Variants in ZNF444 observed in about 807,000 individuals in gnomAD.
The protein encoded by ZNF444 is zinc finger protein 444.
A neutral mutation model predicts 14.4 loss-of-function variants in ZNF444; 8 were observed. The ratio of observed to expected loss-of-function variants is 0.56; its 90% CI spans 0.33 to 1.00. The LOEUF (loss-of-function observed/expected upper bound fraction) is 1.00, where lower values mean the gene tolerates loss of function less well. ZNF444 is among the 50% of genes least tolerant of loss of function. ZNF444 has a pLI of 0.03. For synonymous variants in ZNF444, 258 were observed against 235.9 expected, an observed-to-expected ratio of 1.09 and a Z score of -0.86; for missense variants, 510 against 504.8, an observed-to-expected ratio of 1.01 and a Z score of -0.10.
rs2031074537 is a variant in ZNF444 at position 56,144,923 on chromosome 19, G to A, written c.-196-1324G>A. The stretch of plus-strand genomic sequence containing the variant: ...GTCTTGATCTTCCAGTGTCCTTGAG[G>A]TCAGGGGCCGGCAGTCTTGTCCTGT... On this transcript the variant is annotated intron_variant, in intron 1 of 4. Transcript: ENST00000337080. The surrounding 1 kb of genome is among the most constrained non-coding windows in gnomAD (Gnocchi z 4.0). 1.3e-5 allele frequency among the ~76,000 whole-genome samples: 2 copies of A among 152,240 alleles called. No individual in the cohort carries two copies.
chr19:56,137,049 C>T (rs188550168), upstream of ZNF444, among the ~76,000 whole-genome samples: 4 of 150,448 alleles, frequency 2.7e-5, no homozygotes, highest in African/African-American at 9.7e-5. Context: ...TCCCAAAGTG[C>T]TGGGATTACA....
intron 3 of ZNF444, chr19:56,157,166 CTG>C (rs1352171176): frequency 6.6e-6 from 1 of 152,252 alleles, no homozygotes; most frequent in East Asian, 1.9e-4. Flanking sequence ...CCGAGTGAGA[CTG>C]TGCTCTTCTG....
At chr19:56,154,853 G>A (rs1078961) in intron 3 of ZNF444, 47,517 of 151,680 alleles carry the variant, frequency 0.31, 7,552 homozygotes, top group East Asian at 0.43. Context: ...CCAGATACAC[G>A]AGGATGCTGC....
upstream of ZNF444, among the ~76,000 whole-genome samples, chr19:56,138,553 A>G (rs1314855888): frequency 6.6e-6 from 1 of 152,148 alleles, no homozygotes; most frequent in Non-Finnish European, 1.5e-5. Context: ...GAATCCCTTG[A>G]GCCTGGGAAG....
At chr19:56,142,832 A>G (rs1457171760) in intron 1 of ZNF444, among the ~76,000 whole-genome samples, 1 of 152,190 alleles carries the variant, frequency 6.6e-6, no homozygotes, top group Non-Finnish European at 1.5e-5. Flanking sequence ...TAGCCATGAT[A>G]TTAACCCAGC....
intron 3 of ZNF444, chr19:56,155,255 G>T (rs1352881419): frequency 6.6e-6 from 1 of 152,416 alleles, no homozygotes; most frequent in Non-Finnish European, 1.5e-5. Context: ...TCCTGCCGTG[G>T]AGTGTGGACG....
rs532862519 is a variant in ZNF444, at chr19:56,158,306, G to A, written c.298-188G>A. On this transcript the variant is annotated intron_variant, in intron 3 of 4. Coordinates refer to ENST00000337080, the MANE Select transcript of ZNF444 (RefSeq NM_018337.4). ...GGCTTCAAGATGGCTCCCTGGCAGG[G>A]GGTTGGCAGGAGGCCTTGGTTCCTC... 40 of 519,100 alleles carry A rather than the reference G, an allele frequency of 7.7e-5. No individual in the cohort carries two copies. The South Asian group carries it at 1.1e-3, about 14-fold the overall frequency. The allele number at this position is 519,100 out of a possible 1,614,324, so 32.2% of individuals were successfully genotyped here.
upstream of ZNF444, among the ~76,000 whole-genome samples, chr19:56,138,232 C>T (rs2030655754): frequency 6.6e-6 from 1 of 152,140 alleles, no homozygotes; most frequent in Admixed American, 6.5e-5. Flanking sequence ...TACACTACAA[C>T]ATGGATTAAC....
At position 56,141,373 on chromosome 19, in the gene ZNF444, AGGAG is replaced by A. The variant is rs1408833186; in HGVS notation, c.-197+24_-197+27del. On this transcript the variant is annotated intron_variant, in intron 1 of 4. Transcript: ENST00000337080. ...AGAGAGTGAGGTGAGCGAGGGGGGA[AGGAG>A]GGAGGGATTGGGTGGGGGCGGTTGG... 1 of 3,374 alleles carries A rather than the reference AGGAG, an allele frequency of 3.0e-4. No homozygotes were observed. Among genetic ancestry groups the A allele is most frequent in the African/African-American group, 1.8e-3 (1 of 544 alleles). 0.2% of individuals were successfully genotyped at this position (3,374 alleles called of 1,614,324 possible).
At chr19:56,139,714 C>CTA (rs2030700160), upstream of ZNF444, among the ~76,000 whole-genome samples, 12 of 18,646 alleles carry the variant, frequency 6.4e-4, no homozygotes, top group Non-Finnish European at 3.4e-3. Context: ...AAACAAAAAA[C>CTA]CAAAAAAAAA....
chr19:56,138,218 G>C (rs1002043170), upstream of ZNF444, among the ~76,000 whole-genome samples: 3 of 152,162 alleles, frequency 2.0e-5, no homozygotes, highest in African/African-American at 7.2e-5. Flanking sequence ...AGGAGATTTT[G>C]ACATACACTA....
intron 4 of ZNF444, among the ~76,000 whole-genome samples, chr19:56,159,383 G>A (rs1032782016): frequency 6.6e-6 from 1 of 151,638 alleles, no homozygotes; most frequent in Non-Finnish European, 1.5e-5. Context: ...ATCTACCCAC[G>A]CATTCATCTA....
In ZNF444 at chr19:56,159,610, CTT is replaced by C. The variant is rs1568566002; in HGVS notation, c.407-12_407-11del. 2.0e-5 allele frequency: 28 copies of C among 1,426,630 alleles called. No individual in the cohort carries two copies. Among genetic ancestry groups the C allele is most frequent in the African/African-American group, 3.0e-5 (2 of 67,568 alleles). 88.4% of individuals were successfully genotyped at this position (1,426,630 alleles called of 1,614,324 possible). A position where few individuals can be genotyped will look rare whatever the true frequency, so the allele number is the denominator to read the frequency against. ...TCGTGCCGACCCAGATGCTGACTCT[CTT>C]TCTTTTCCCAGCAGGCACCGCCCCT... On this transcript the variant is annotated splice_polypyrimidine_tract_variant and intron_variant, in intron 4 of 4. Coordinates refer to ENST00000337080, the MANE Select transcript of ZNF444 (RefSeq NM_018337.4).
Position 56,145,279 on chromosome 19 carries a change from T to C in ZNF444, c.-196-968T>C, listed in dbSNP as rs1157343224. Among the ~76,000 whole-genome samples the C allele has an allele frequency of 6.6e-6, 1 of 152,222 alleles. No individual in the cohort carries two copies. ...AAACAGAAAATTGTAAAGTATTTATTAATGCATTTAAAAATGGCAATCACG... is the reference window on the plus strand; with the variant it reads ...AAACAGAAAATTGTAAAGTATTTATCAATGCATTTAAAAATGGCAATCACG... On this transcript the variant is annotated intron_variant, in intron 1 of 4. Coordinates refer to ENST00000337080, the MANE Select transcript of ZNF444 (RefSeq NM_018337.4). This position sits in a 1 kb window ranked among gnomAD's most constrained non-coding sequence, Gnocchi z 4.3.
At chr19:56,158,298 C>T in intron 3 of ZNF444, 196 bp from the exon 4 acceptor site, 1 of 506,930 alleles carries the variant, frequency 2.0e-6, no homozygotes, top group Non-Finnish European at 3.4e-6. Context: ...AGATGGCTCC[C>T]TGGCAGGGGG....
chr19:56,152,889 T>G (rs139990332), intron 3 of ZNF444, among the ~76,000 whole-genome samples: 1 of 152,142 alleles, frequency 6.6e-6, no homozygotes, highest in African/African-American at 2.4e-5. Flanking sequence ...CGTAATCTCA[T>G]TACCTTCAGG....
chr19:56,133,812 C>A (rs1402726493), intron 1 of ZNF444, among the ~76,000 whole-genome samples: 119 of 129,932 alleles, frequency 9.2e-4, no homozygotes, highest in Middle Eastern at 3.9e-3. Flanking sequence ...GACTCCATCT[C>A]AAAAAAAAAA....
rs545038852 is a variant in ZNF444, at chr19:56,147,529, A to G, written c.297+321A>G. On this transcript the variant is annotated intron_variant, in intron 3 of 4. Transcript: ENST00000337080. The surrounding 1 kb of genome is among the most constrained non-coding windows in gnomAD (Gnocchi z 5.9). ...CTGGGAAGAAGGCCACGAAGGCTCC[A>G]GGGAGCGCAGTTACCAGCTGTCCTC... is the stretch of plus-strand genomic sequence containing the variant. 7.5e-4 allele frequency among the ~76,000 whole-genome samples: 114 copies of G among 152,218 alleles called. No homozygotes were observed. Among genetic ancestry groups the G allele is most frequent in the Middle Eastern group, 6.8e-3 (2 of 294 alleles).
chr19:56,159,706 C>G lies in ZNF444; in HGVS notation c.489C>G (p.Pro163=), dbSNP rs1172537811. 3 of 1,550,504 alleles carry G rather than the reference C, an allele frequency of 1.9e-6. No individual in the cohort carries two copies. The highest frequency in any genetic ancestry group is 2.6e-6 in the Non-Finnish European group (3 of 1,152,452). The change falls in exon 5 of 5, where the codon CCC becomes CCG. Residue 163 remains proline, a synonymous_variant. Coordinates refer to ENST00000337080, the MANE Select transcript of ZNF444 (RefSeq NM_018337.4). ...CCTACAAGCAGGAGCCCAGCAGCCC[C>G]CCGCTGGCGCCTGGCCTGCCCGCCT... is the stretch of plus-strand genomic sequence containing the variant. ...VRPYKQEPSS[P]PLAPGLPAFL... is the part of the protein sequence containing the mutation.
Sources: allele counts gnomAD v4.1 joint callset (sites outside exome capture counted in the v4.1 genomes callset), GRCh38; gene constraint gnomAD v4.1.1; non-coding constraint Gnocchi (gnomAD v3.1); transcripts MANE v1.5; gene names NCBI Gene and HGNC (gene_info 2026-07-23, HGNC 2026-07-21).